Variants in KIT observed in about 807,000 individuals in gnomAD.
The protein encoded by KIT is KIT proto-oncogene, receptor tyrosine kinase.
A neutral mutation model predicts 105.7 loss-of-function variants in KIT; 16 were observed. The observed-to-expected ratio is 0.15, with a 90% CI of 0.10 to 0.23. The LOEUF (loss-of-function observed/expected upper bound fraction) is 0.23, where lower values mean the gene tolerates loss of function less well. Ranked by LOEUF, KIT falls within the 10% of genes least tolerant of loss-of-function variation. The probability of loss-of-function intolerance (pLI) is 1.00; values close to 1 mark genes in which losing one functional copy is unlikely to be tolerated. For missense variants in KIT, 858 were observed against 1,213.8 expected (o/e 0.71, Z 4.36); for synonymous variants, 438 against 441.1 (o/e 0.99, Z 0.09).
intron 17 of KIT, among the ~76,000 whole-genome samples, chr4:54,734,593 T>TA (rs772121485): frequency 5.3e-5 from 8 of 152,222 alleles, no homozygotes; most frequent in Non-Finnish European, 1.2e-4. Flanking sequence ...TCAGTTGAAC[T>TA]AACCAATCAC....
At chr4:54,727,608 C>G (rs1722321126) in intron 11 of KIT, 66 bp downstream of exon 11, 1 of 1,587,150 alleles carries the variant, frequency 6.3e-7, no homozygotes, top group Non-Finnish European at 8.6e-7. Context: ...CTTTAAGGAA[C>G]TCCAGTGGCT....
intron 1 of KIT, among the ~76,000 whole-genome samples, chr4:54,690,263 C>T (rs1719615093): frequency 6.6e-6 from 1 of 152,156 alleles, no homozygotes; most frequent in Admixed American, 6.5e-5. Flanking sequence ...GAATTTTATA[C>T]TGCTAGTGAT....
intron 16 of KIT, 45 bp downstream of exon 16, chr4:54,732,043 T>TG: frequency 3.2e-6 from 5 of 1,539,838 alleles, no homozygotes; most frequent in Non-Finnish European, 4.4e-6. Flanking sequence ...TTTGTTTTTT[T>TG]GATTTTTTTT....
chr4:54,676,136 G>T (rs1331798881), intron 1 of KIT, among the ~76,000 whole-genome samples: 2 of 152,164 alleles, frequency 1.3e-5, no homozygotes. Context: ...TGTTTGCTGC[G>T]CTAATGCCCT....
chr4:54,698,428 G>A lies in KIT; in HGVS notation c.482G>A (p.Arg161Lys), dbSNP rs764280416. ...CQGKPLPKDL[R>K]FIPDPKAGIM... The stretch of plus-strand genomic sequence containing the variant: ...GGGAAGCCTCTTCCCAAGGACTTGA[G>A]GTTTATTCCTGACCCCAAGGCGGGC... Residue 161 changes from arginine to lysine, a missense_variant, in exon 3 of 21, where the codon AGG (arginine) becomes AAG (lysine). Arg to Lys is a conservative substitution (Grantham distance 26). Coordinates refer to ENST00000288135, the MANE Select transcript of KIT (RefSeq NM_000222.3). 1.3e-5 allele frequency: 21 copies of A among 1,614,024 alleles called. No individual in the cohort carries two copies. The South Asian group carries it at 1.9e-4, about 14-fold the overall frequency.
chr4:54,674,423 G>A (rs1718324993), intron 1 of KIT, among the ~76,000 whole-genome samples: 1 of 152,200 alleles, frequency 6.6e-6, no homozygotes. Flanking sequence ...AGTGGTTCCT[G>A]TAGCTGATGG....
At chr4:54,659,189 G>A (rs1717056281) in intron 1 of KIT, among the ~76,000 whole-genome samples, 1 of 152,196 alleles carries the variant, frequency 6.6e-6, no homozygotes. Context: ...GGAACTTTCT[G>A]CAAATCCTAC....
Position 54,723,714 on chromosome 4 carries a change from TTGGCAC to T in KIT, c.1346+19_1346+24del, listed in dbSNP as rs2109761541. On this transcript the variant is annotated intron_variant, in intron 8 of 20. Coordinates refer to ENST00000288135, the MANE Select transcript of KIT (RefSeq NM_000222.3). ...CTGAGCAGAGGTGAGATGATTATTT[TTGGCAC>T]TGCTTATAATGCAGAGGGGAAGGAC... 7.0e-7 allele frequency: 1 copy of T among 1,425,816 alleles called. No individual in the cohort carries two copies. The highest frequency in any genetic ancestry group is 9.9e-7 in the Non-Finnish European group (1 of 1,008,398). 88.3% of individuals were successfully genotyped at this position (1,425,816 alleles called of 1,614,324 possible).
intron 6 of KIT, 39 bp from the exon 7 acceptor site, chr4:54,709,385 C>T: frequency 2.4e-6 from 3 of 1,247,746 alleles, no homozygotes; most frequent in Non-Finnish European, 2.4e-6. Flanking sequence ...CCAAGGCATG[C>T]TATCCACAGG....
At chr4:54,714,398 G>A (rs934024217) in intron 7 of KIT, among the ~76,000 whole-genome samples, 2 of 151,846 alleles carry the variant, frequency 1.3e-5, no homozygotes, top group African/African-American at 4.8e-5. Context: ...ACAAATAAAA[G>A]GCCAAATATG....
intron 6 of KIT, among the ~76,000 whole-genome samples, chr4:54,709,085 T>C (rs1350818015): frequency 1.7e-5 from 2 of 118,790 alleles, no homozygotes; most frequent in African/African-American, 6.4e-5. Context: ...TGCAGCACCA[T>C]GGGCAGGGGA....
intron 16 of KIT, among the ~76,000 whole-genome samples, chr4:54,732,346 C>A (rs1263734182): frequency 1.3e-5 from 2 of 152,058 alleles, no homozygotes; most frequent in African/African-American, 2.4e-5. Context: ...AAGCAGAGGG[C>A]ACCTCATAGT....
chr4:54,668,228 G>A (rs996417508), intron 1 of KIT, among the ~76,000 whole-genome samples: 1 of 152,146 alleles, frequency 6.6e-6, no homozygotes, highest in African/African-American at 2.4e-5. Context: ...GTCTTCGGAG[G>A]GAGGAGGAGG....
At chr4:54,660,732 G>A (rs1278020876) in intron 1 of KIT, among the ~76,000 whole-genome samples, 1 of 152,104 alleles carries the variant, frequency 6.6e-6, no homozygotes, top group Non-Finnish European at 1.5e-5. Flanking sequence ...AACTGGCTAA[G>A]GATAAGCCCT....
chr4:54,721,058 T>A (rs548470455), intron 7 of KIT, among the ~76,000 whole-genome samples: 1 of 152,352 alleles, frequency 6.6e-6, no homozygotes, highest in African/African-American at 2.4e-5. Context: ...ATCTTCATCA[T>A]ACAACAGTGC....
intron 1 of KIT, among the ~76,000 whole-genome samples, chr4:54,671,474 TAGC>T (rs1274357271): frequency 1.3e-5 from 2 of 152,198 alleles, no homozygotes; most frequent in Non-Finnish European, 2.9e-5. Context: ...TCAATGAAAT[TAGC>T]AGCATTAGGT....
intron 17 of KIT, among the ~76,000 whole-genome samples, chr4:54,733,849 C>A (rs958735505): frequency 6.6e-6 from 1 of 152,084 alleles, no homozygotes; most frequent in Non-Finnish European, 1.5e-5. Context: ...GAAACTAGAG[C>A]CTGTGATTTC....
chr4:54,675,798 C>T (rs1718422894), intron 1 of KIT, among the ~76,000 whole-genome samples: 1 of 152,110 alleles, frequency 6.6e-6, no homozygotes, highest in African/African-American at 2.4e-5. Flanking sequence ...CAGAGGATCT[C>T]ACTGGATTAG....
rs140839561 is a variant in KIT at position 54,698,537 on chromosome 4, G to T, written c.591G>T (p.Ser197=). 4.3e-6 allele frequency: 7 copies of T among 1,614,008 alleles called. No homozygotes were observed. In the African/African-American group the frequency reaches 5.3e-5, roughly 12 times the overall value. The change falls in exon 3 of 21, where the codon TCG becomes TCT. Residue 197 remains serine, a synonymous_variant. Coordinates refer to ENST00000288135, the MANE Select transcript of KIT (RefSeq NM_000222.3). ...ACCAGGAGGGCAAGTCAGTGCTGTC[G>T]GAAAAATTCATCCTGAAAGTGAGGC... ...SVDQEGKSVL[S]EKFILKVRPA... is the part of the protein sequence containing the mutation.
Sources: gnomAD v4.1 joint callset for allele counts (sites outside exome capture counted in the v4.1 genomes callset) on GRCh38, gnomAD v4.1.1 for gene constraint, MANE v1.5 for transcripts, NCBI Gene and HGNC (gene_info 2026-07-23, HGNC 2026-07-21) for gene names.